WNK2: variants seen among roughly 807,000 people sequenced by gnomAD.
WNK2 encodes the protein WNK lysine deficient protein kinase 2.
A neutral mutation model predicts 192.1 loss-of-function variants in WNK2; 67 were observed. The ratio of observed to expected loss-of-function variants is 0.35; its 90% CI spans 0.29 to 0.43. The LOEUF (loss-of-function observed/expected upper bound fraction) is 0.43. Ranked by LOEUF, WNK2 falls within the 20% of genes least tolerant of loss-of-function variation. The pLI is 1.00. For missense variants in WNK2, 2,698 were observed against 3,089.7 expected (o/e 0.87, Z 3.01); for synonymous variants, 1,439 against 1,393.9 (o/e 1.03, Z -0.72).
rs570778862 is a variant in WNK2 at position 93,312,620 on chromosome 9, C to T, written c.6516+4036C>T. Among the ~76,000 whole-genome samples, 38 of 152,228 alleles carry T rather than the reference C, an allele frequency of 2.5e-4. 1 individual carries two copies. In the South Asian group the frequency reaches 6.8e-3, roughly 27 times the overall value. On this transcript the variant is annotated intron_variant, in intron 28 of 29. Transcript: ENST00000427277. ...GTCTCGATCCCTTGACCTCATGATC[C>T]GCCCGCCTCGGCCTCCCAAAGTGCT...
intron 28 of WNK2, among the ~76,000 whole-genome samples, chr9:93,313,542 G>A (rs1299365763): frequency 6.6e-6 from 1 of 151,652 alleles, no homozygotes; most frequent in Non-Finnish European, 1.5e-5. Context: ...TAAATATTCT[G>A]TGTAGGACAT....
At position 93,184,980 on chromosome 9, in the gene WNK2, C is replaced by G; in HGVS notation, c.51C>G (p.Pro17=). Residue 17 remains proline (P), a synonymous_variant, in exon 2 of 30, where the codon CCC becomes CCG. Coordinates refer to ENST00000427277, the MANE Select transcript of WNK2 (RefSeq NM_006648.4). ...RRDVPGTLME[P]GRGAGPAGMA... is the part of the protein sequence containing the mutation. Reference sequence around the variant, plus strand: ...ACGTCCCCGGCACGCTGATGGAGCCCGGGCGCGGCGCGGGGCCCGCGGGCA... The same window carrying G: ...ACGTCCCCGGCACGCTGATGGAGCCGGGGCGCGGCGCGGGGCCCGCGGGCA... The G allele has an allele frequency of 8.1e-7, 1 of 1,239,678 alleles. No homozygotes were observed. The highest frequency in any genetic ancestry group is 1.0e-6 in the Non-Finnish European group (1 of 995,610). The allele number at this position is 1,239,678 out of a possible 1,614,324, so 76.8% of individuals were successfully genotyped here.
intron 26 of WNK2, among the ~76,000 whole-genome samples, chr9:93,305,787 C>T (rs966263603): frequency 6.6e-6 from 1 of 152,336 alleles, no homozygotes; most frequent in East Asian, 1.9e-4. Context: ...CCGGGAACAG[C>T]GCTGAGGAGC....
Position 93,259,472 on chromosome 9 carries a change from C to T in WNK2, c.2924C>T (p.Pro975Leu). The change falls in exon 12 of 30, where the codon CCC (proline) becomes CTC (leucine). Residue 975 changes from proline to leucine, a missense_variant. Transcript: ENST00000427277. The surrounding 1 kb of genome is among the most constrained non-coding windows in gnomAD (Gnocchi z 4.8). ...QPVLPPQPTR[P>L]PQPVLPPQPM... ...GTGTTGCCCCCGCAACCCACACGGC[C>T]CCCTCAACCTGTGCTGCCCCCGCAA... 11 of 1,494,714 alleles carry T rather than the reference C, an allele frequency of 7.4e-6. No individual in the cohort carries two copies. Among genetic ancestry groups the T allele is most frequent in the South Asian group, 1.2e-5 (1 of 80,420 alleles). The allele number at this position is 1,494,714 out of a possible 1,614,324, so 92.6% of individuals were successfully genotyped here.
intron 21 of WNK2, 70 bp from the exon 22 acceptor site, chr9:93,292,238 G>A: frequency 6.4e-7 from 1 of 1,558,594 alleles, no homozygotes; most frequent in Non-Finnish European, 8.8e-7. Context: ...GGCTGCTTCG[G>A]GTCAGCTGTG....
At chr9:93,189,066 T>C (rs569941651) in intron 2 of WNK2, among the ~76,000 whole-genome samples, 1 of 152,294 alleles carries the variant, frequency 6.6e-6, no homozygotes, top group East Asian at 1.9e-4. Flanking sequence ...GGTCCCCAGG[T>C]TGAGAAAACA....
At chr9:93,256,868 A>G (rs1393462842) in intron 10 of WNK2, 80 bp from the exon 11 acceptor site, 1 of 1,329,960 alleles carries the variant, frequency 7.5e-7, no homozygotes, top group Non-Finnish European at 1.0e-6. Flanking sequence ...GAGGGTTGAT[A>G]TCCTGTCATG....
Position 93,212,793 on chromosome 9 carries a change from G to T in WNK2, c.682-16903G>T, listed in dbSNP as rs13286027. Among the ~76,000 whole-genome samples, 1,113 of 152,348 alleles carry T rather than the reference G, an allele frequency of 7.3e-3. 6 individuals are homozygous for T. Among genetic ancestry groups the T allele is most frequent in the Non-Finnish European group, 0.01 (710 of 68,026 alleles). ...ACCAATGGCAGATGTTTGTTTAAAAGAGAGAGGAAGGTGTGGAGGAAGGGG... is the reference window on the plus strand; with the variant it reads ...ACCAATGGCAGATGTTTGTTTAAAATAGAGAGGAAGGTGTGGAGGAAGGGG... On this transcript the variant is annotated intron_variant, in intron 2 of 29. Coordinates refer to ENST00000427277, the MANE Select transcript of WNK2 (RefSeq NM_006648.4).
Position 93,257,201 on chromosome 9 carries a change from G to A in WNK2, c.2382+62G>A. On this transcript the variant is annotated intron_variant, in intron 11 of 29. Coordinates refer to ENST00000427277, the MANE Select transcript of WNK2 (RefSeq NM_006648.4). The surrounding 1 kb of genome is among the most constrained non-coding windows in gnomAD (Gnocchi z 4.7). ...CACGCTTTGCCAGGCCCTGGCTGGT[G>A]CACTAGGACACCCACAGAGGGGGTT... is the stretch of plus-strand genomic sequence containing the variant. 6.5e-7 allele frequency: 1 copy of A among 1,529,600 alleles called. No homozygotes were observed. The highest frequency in any genetic ancestry group is 8.8e-7 in the Non-Finnish European group (1 of 1,135,984). The allele number at this position is 1,529,600 out of a possible 1,614,324, so 94.8% of individuals were successfully genotyped here.
At chr9:93,190,269 G>A (rs1427652536) in intron 2 of WNK2, among the ~76,000 whole-genome samples, 1 of 152,216 alleles carries the variant, frequency 6.6e-6, no homozygotes, top group Non-Finnish European at 1.5e-5. Context: ...GAGTGGTGGT[G>A]GCGAGGTGTG....
At chr9:93,218,618 C>T (rs531994435) in intron 2 of WNK2, among the ~76,000 whole-genome samples, 8 of 152,328 alleles carry the variant, frequency 5.3e-5, no homozygotes, top group African/African-American at 1.4e-4. Flanking sequence ...TGCTCTGGTC[C>T]AGGGCCGAGG....
intron 2 of WNK2, among the ~76,000 whole-genome samples, chr9:93,198,354 G>A (rs1831657319): frequency 6.6e-6 from 1 of 152,246 alleles, no homozygotes; most frequent in Non-Finnish European, 1.5e-5. Flanking sequence ...AGGCAGGCGG[G>A]GCTTGCTGGC....
chr9:93,271,274 A>G (rs545797073), intron 19 of WNK2, among the ~76,000 whole-genome samples: 1 of 152,350 alleles, frequency 6.6e-6, no homozygotes, highest in African/African-American at 2.4e-5. Flanking sequence ...TGCCTACTGA[A>G]GCAAAAATAT....
chr9:93,202,325 C>CGTACGT (rs1832538893), intron 2 of WNK2, among the ~76,000 whole-genome samples: 2 of 130,650 alleles, frequency 1.5e-5, no homozygotes, highest in African/African-American at 2.7e-5. Flanking sequence ...TCCGTGTGCA[C>CGTACGT]GTGTGTGTGT....
Position 93,306,660 on chromosome 9 carries a change from T to C in WNK2, c.6215-117T>C. 3 of 1,311,592 alleles carry C rather than the reference T, an allele frequency of 2.3e-6. No homozygotes were observed. The South Asian group carries it at 3.6e-5, about 16-fold the overall frequency. The allele number at this position is 1,311,592 out of a possible 1,614,324, so 81.2% of individuals were successfully genotyped here. A position where few individuals can be genotyped will look rare whatever the true frequency, so the allele number is the denominator to read the frequency against. ...CGGGTCGGCCCTCTCTCTGAACTGC[T>C]GCCTGTGTCTGCCCCTCCCTGCACA... On this transcript the variant is annotated intron_variant, in intron 26 of 29. Transcript: ENST00000427277.
intron 4 of WNK2, among the ~76,000 whole-genome samples, chr9:93,231,779 C>A (rs557564128): frequency 6.6e-6 from 1 of 152,190 alleles, no homozygotes. Context: ...TCTTTTGGGG[C>A]GAGATGCCGT....
rs570618496 is a variant in WNK2 at position 93,220,047 on chromosome 9, A to G, written c.682-9649A>G. Reference sequence around the variant, plus strand: ...TTCCCTGGCTGCAGGGTTGTTGGGGAGGGAGTCTTGGTTGTTTAAAGTGGT... The same window carrying G: ...TTCCCTGGCTGCAGGGTTGTTGGGGGGGGAGTCTTGGTTGTTTAAAGTGGT... On this transcript the variant is annotated intron_variant, in intron 2 of 29. Transcript: ENST00000427277. Among the ~76,000 whole-genome samples, 22 of 152,172 alleles carry G rather than the reference A, an allele frequency of 1.4e-4. No homozygotes were observed. In the South Asian group the frequency reaches 4.4e-3, roughly 30 times the overall value.
intron 4 of WNK2, among the ~76,000 whole-genome samples, chr9:93,233,471 G>A (rs907281452): frequency 4.6e-5 from 7 of 151,992 alleles, no homozygotes; most frequent in Non-Finnish European, 1.0e-4. Flanking sequence ...TGAGGCGGGC[G>A]GATCATTTGA....
At chr9:93,222,596 A>G (rs1234103139) in intron 2 of WNK2, among the ~76,000 whole-genome samples, 2 of 152,150 alleles carry the variant, frequency 1.3e-5, no homozygotes, top group African/African-American at 2.4e-5. Flanking sequence ...AAAGAAGTCT[A>G]GGGGCACATC....
Sources: gnomAD v4.1 joint callset for allele counts (sites outside exome capture counted in the v4.1 genomes callset) on GRCh38, gnomAD v4.1.1 for gene constraint, Gnocchi (gnomAD v3.1) non-coding constraint, MANE v1.5 for transcripts, NCBI Gene and HGNC (gene_info 2026-07-23, HGNC 2026-07-21) for gene names.